The following LRRC37A2 variants were observed in gnomAD, a reference collection of about 807,000 sequenced individuals.
LRRC37A2 encodes leucine rich repeat containing 37 member A2.
A neutral mutation model predicts 68.8 loss-of-function variants in LRRC37A2; 9 were observed. The ratio of observed to expected loss-of-function variants is 0.13; its 90% confidence interval spans 0.08 to 0.23. The LOEUF (loss-of-function observed/expected upper bound fraction) is 0.23, where lower values mean the gene tolerates loss of function less well. LRRC37A2 is among the 10% of genes least tolerant of loss of function. The probability of loss-of-function intolerance (pLI) is 1.00; values close to 1 mark genes in which losing one functional copy is unlikely to be tolerated. For missense variants in LRRC37A2, 168 were observed against 950.4 expected (o/e 0.18, Z 10.82); for synonymous variants, 63 against 367.6 (o/e 0.17, Z 9.48).
the LRRC37A2 span, among the ~76,000 whole-genome samples, chr17:46,927,791 G>A: frequency 0.014 from 2,080 of 152,158 alleles, 42 homozygotes; most frequent in African/African-American, 0.048. Context: ...TGGCAGGTGG[G>A]ACAAGTCATT....
At chr17:46,975,039 A>G in the LRRC37A2 span, among the ~76,000 whole-genome samples, 1 of 148,200 alleles carries the variant, frequency 6.7e-6, no homozygotes, top group Non-Finnish European at 1.5e-5. Context: ...ATTTCAGAGA[A>G]CCAAATGTAC....
the LRRC37A2 span, among the ~76,000 whole-genome samples, chr17:46,734,962 G>A: frequency 1.3e-5 from 2 of 152,116 alleles, no homozygotes; most frequent in African/African-American, 4.8e-5. Flanking sequence ...GAGGCAGGAG[G>A]ATCGCTTGAG....
chr17:46,971,863 GC>G, the LRRC37A2 span, among the ~76,000 whole-genome samples: 2 of 152,210 alleles, frequency 1.3e-5, no homozygotes, highest in African/African-American at 2.4e-5. Context: ...TGTGTTCTGG[GC>G]CACACCTGTT....
the LRRC37A2 span, among the ~76,000 whole-genome samples, chr17:46,954,786 C>T: frequency 7.9e-5 from 12 of 152,184 alleles, no homozygotes; most frequent in Non-Finnish European, 1.6e-4. Context: ...CTCTTTGAAG[C>T]AATTGTGAAT....
the LRRC37A2 span, among the ~76,000 whole-genome samples, chr17:46,868,550 CTCAG>C: frequency 8.0e-3 from 1,223 of 152,246 alleles, 16 homozygotes; most frequent in African/African-American, 0.028. Context: ...GAGCCGAAAT[CTCAG>C]CACTGCACTC....
the LRRC37A2 span, chr17:46,937,745 C>T: frequency 1.3e-5 from 2 of 152,204 alleles, no homozygotes; most frequent in African/African-American, 2.4e-5. Flanking sequence ...CATATTGTTA[C>T]CTATTTAATT....
chr17:46,833,434 T>A, the LRRC37A2 span: 1 of 515,838 alleles, frequency 1.9e-6, no homozygotes, highest in South Asian at 1.4e-5. Context: ...CTAAGAAGAA[T>A]CAGAAGGTGA....
the LRRC37A2 span, chr17:46,940,969 T>C: frequency 5.7e-6 from 7 of 1,221,212 alleles, no homozygotes; most frequent in Non-Finnish European, 7.3e-6. Flanking sequence ...CGCCTCAGTG[T>C]AGGGAAGGGT....
chr17:46,884,572 A>G, the LRRC37A2 span, among the ~76,000 whole-genome samples: 1 of 152,226 alleles, frequency 6.6e-6, no homozygotes, highest in African/African-American at 2.4e-5. Context: ...CTGCTCTGCC[A>G]GTGCTGACAA....
the LRRC37A2 span, among the ~76,000 whole-genome samples, chr17:46,737,588 T>A: frequency 2.0e-5 from 3 of 151,732 alleles, no homozygotes; most frequent in South Asian, 6.3e-4. Context: ...TGTGTGTGTG[T>A]GTGTGTGTGT....
the LRRC37A2 span, among the ~76,000 whole-genome samples, chr17:46,858,691 G>A: frequency 6.6e-6 from 1 of 152,108 alleles, no homozygotes; most frequent in South Asian, 2.1e-4. Flanking sequence ...TGTAGGATGG[G>A]TGTAAATAGT....
the LRRC37A2 span, among the ~76,000 whole-genome samples, chr17:46,959,299 AG>A: frequency 1.3e-5 from 2 of 152,220 alleles, no homozygotes; most frequent in African/African-American, 4.8e-5. Context: ...AAAAAGGAAA[AG>A]CATTCTGCTT....
At chr17:46,444,671 G>A in the LRRC37A2 span, among the ~76,000 whole-genome samples, 53 of 80,770 alleles carry the variant, frequency 6.6e-4, no homozygotes, top group African/African-American at 2.9e-3. Flanking sequence ...CAAAGTGCTG[G>A]GATTACTCAT....
At chr17:46,797,265 C>T in the LRRC37A2 span, among the ~76,000 whole-genome samples, 1 of 152,208 alleles carries the variant, frequency 6.6e-6, no homozygotes, top group Non-Finnish European at 1.5e-5. Context: ...CGATGTCCTA[C>T]TCTGGCCCAA....
chr17:46,719,002 C>T, the LRRC37A2 span, among the ~76,000 whole-genome samples: 5 of 152,124 alleles, frequency 3.3e-5, no homozygotes, highest in African/African-American at 9.7e-5. The surrounding 1 kb of genome is among the most constrained non-coding windows in gnomAD (Gnocchi z 4.3). Context: ...ATAAAGCCTA[C>T]GCCTTCAGAA....
At chr17:46,707,247 A>G in the LRRC37A2 span, among the ~76,000 whole-genome samples, 2 of 152,202 alleles carry the variant, frequency 1.3e-5, no homozygotes, top group Non-Finnish European at 2.9e-5. Context: ...GCATTTCTCC[A>G]TATGTTAATT....
chr17:46,534,005 G>C (rs1205034523), intron 6 of LRRC37A2, among the ~76,000 whole-genome samples: 5 of 121,222 alleles, frequency 4.1e-5, no homozygotes, highest in South Asian at 2.5e-4. Context: ...TTGTCCTCCA[G>C]TGTTGTGTGT....
At chr17:46,610,041 CTCTT>C in the LRRC37A2 span, among the ~76,000 whole-genome samples, 143 of 118,694 alleles carry the variant, frequency 1.2e-3, 5 homozygotes, top group East Asian at 0.013. Flanking sequence ...CTCTCTCTCT[CTCTT>C]TCTTTCTTTC....
the LRRC37A2 span, among the ~76,000 whole-genome samples, chr17:46,503,643 CAGT>C: frequency 9.0e-6 from 1 of 110,772 alleles, no homozygotes. Flanking sequence ...AATTAACACT[CAGT>C]AGATATTTGC....
Sources: gnomAD v4.1 joint callset for allele counts (sites outside exome capture counted in the v4.1 genomes callset) on GRCh38, gnomAD v4.1.1 for gene constraint, Gnocchi (gnomAD v3.1) non-coding constraint, MANE v1.5 for transcripts, NCBI Gene and HGNC (gene_info 2026-07-23, HGNC 2026-07-21) for gene names.